Variants in TMEM132D observed in about 807,000 individuals in gnomAD.
TMEM132D encodes the protein transmembrane protein 132D, also known as mature OL transmembrane protein.
Under a neutral mutation model 62.3 loss-of-function variants are expected in TMEM132D, and 21 were observed. The observed-to-expected ratio is 0.34, with a 90% CI of 0.24 to 0.49. The LOEUF is 0.49. TMEM132D is among the 20% of genes least tolerant of loss of function. The pLI is 0.99. For synonymous variants in TMEM132D, 621 were observed against 575.6 expected, an observed-to-expected ratio of 1.08 and a Z score of -1.13; for missense variants, 1,346 against 1,402.8, an observed-to-expected ratio of 0.96 and a Z score of 0.65.
chr12:129,168,251 A>AT lies in TMEM132D; in HGVS notation c.1443+41268dup, dbSNP rs3996445. ...TCCTCAATCCATCTCCTCTTTTGGG[A>AT]TTTTTTTTTTACCAACAAGAGCTTT... On this transcript the variant is annotated intron_variant, in intron 5 of 8. Transcript: ENST00000422113. Among the ~76,000 whole-genome samples, 144 of 150,934 alleles carry AT rather than the reference A, an allele frequency of 9.5e-4. 1 individual carries two copies. Among genetic ancestry groups the AT allele is most frequent in the South Asian group, 9.4e-3 (45 of 4,762 alleles).
chr12:129,756,552 G>T (rs1332871599), intron 1 of TMEM132D, among the ~76,000 whole-genome samples: 3 of 152,100 alleles, frequency 2.0e-5, no homozygotes, highest in African/African-American at 7.2e-5. Context: ...ATGTTTAAGG[G>T]GTGCAGAGCT....
chr12:129,118,123 G>A (rs1344752590), intron 5 of TMEM132D, among the ~76,000 whole-genome samples: 1 of 152,158 alleles, frequency 6.6e-6, no homozygotes, highest in African/African-American at 2.4e-5. Flanking sequence ...GGTATGTTCT[G>A]TGCTTTTCCC....
At chr12:129,615,229 C>G (rs1426050689) in intron 2 of TMEM132D, among the ~76,000 whole-genome samples, 1 of 152,042 alleles carries the variant, frequency 6.6e-6, no homozygotes, top group African/African-American at 2.4e-5. Flanking sequence ...TGGATTTTGT[C>G]TGGGGATGAA....
At chr12:129,191,186 C>G (rs1878390375) in intron 5 of TMEM132D, among the ~76,000 whole-genome samples, 1 of 152,080 alleles carries the variant, frequency 6.6e-6, no homozygotes, top group African/African-American at 2.4e-5. Context: ...GGAATCTACT[C>G]AAAGCCACCT....
chr12:129,869,113 G>A (rs942110861), intron 1 of TMEM132D, among the ~76,000 whole-genome samples: 1 of 151,446 alleles, frequency 6.6e-6, no homozygotes, highest in Non-Finnish European at 1.5e-5. Context: ...GGAATCTGGG[G>A]TTCCCACTGC....
intron 3 of TMEM132D, among the ~76,000 whole-genome samples, chr12:129,523,340 C>G (rs1593049932): frequency 6.6e-6 from 1 of 152,130 alleles, no homozygotes; most frequent in Non-Finnish European, 1.5e-5. Flanking sequence ...CCGACAGCAA[C>G]CAAACATGAG....
At chr12:129,620,346 C>G (rs1390056440) in intron 2 of TMEM132D, among the ~76,000 whole-genome samples, 1 of 152,190 alleles carries the variant, frequency 6.6e-6, no homozygotes, top group Non-Finnish European at 1.5e-5. Context: ...GGCCTGCAAT[C>G]CCAGCACTTT....
At chr12:129,678,461 G>A (rs919084076) in intron 2 of TMEM132D, among the ~76,000 whole-genome samples, 6 of 152,052 alleles carry the variant, frequency 3.9e-5, no homozygotes, top group African/African-American at 1.2e-4. Flanking sequence ...TAAAATGTCT[G>A]TTCATATTTT....
In TMEM132D at chr12:129,605,604, T is replaced by TATATATATATATACAC. The variant is rs150550863; in HGVS notation, c.969-74400_969-74399insGTGTATATATATATAT. Among the ~76,000 whole-genome samples the TATATATATATATACAC allele has an allele frequency of 8.5e-5, 9 of 106,300 alleles. No individual in the cohort carries two copies. In the South Asian group the frequency reaches 1.2e-3, roughly 14 times the overall value. The allele number at this position is 106,300 out of a possible 152,430, so 69.7% of individuals were successfully genotyped here. ...ATTAGGCATTATATATATATATATA[T>TATATATATATATACAC]ACACACACATATATATATACACACA... On this transcript the variant is annotated intron_variant, in intron 2 of 8. Coordinates refer to ENST00000422113, the MANE Select transcript of TMEM132D (RefSeq NM_133448.3).
At chr12:129,684,215 C>T (rs1880852944) in intron 2 of TMEM132D, among the ~76,000 whole-genome samples, 2 of 152,244 alleles carry the variant, frequency 1.3e-5, no homozygotes, top group Admixed American at 6.5e-5. Flanking sequence ...TCCATAATCC[C>T]CATGTATCAT....
At chr12:129,703,465 C>T (rs1043059332) in intron 1 of TMEM132D, among the ~76,000 whole-genome samples, 1 of 147,688 alleles carries the variant, frequency 6.8e-6, no homozygotes, top group African/African-American at 2.5e-5. Flanking sequence ...CACTTCCTTT[C>T]TTTTTTTTTT....
chr12:129,395,226 G>A lies in TMEM132D; in HGVS notation c.1116-57409C>T, dbSNP rs554683498. Among the ~76,000 whole-genome samples, 10 of 152,270 alleles carry A rather than the reference G, an allele frequency of 6.6e-5. No individual in the cohort carries two copies. In the South Asian group the frequency reaches 1.7e-3, roughly 25 times the overall value. Reference sequence around the variant, plus strand: ...AATGTTTGACAGTATTAAGGATAGCGAGAATGAGGAATGGTGCTTGATATG... The same window carrying A: ...AATGTTTGACAGTATTAAGGATAGCAAGAATGAGGAATGGTGCTTGATATG... On this transcript the variant is annotated intron_variant, in intron 3 of 8. Coordinates refer to ENST00000422113, the MANE Select transcript of TMEM132D (RefSeq NM_133448.3).
intron 5 of TMEM132D, among the ~76,000 whole-genome samples, chr12:129,143,546 A>G (rs1011780205): frequency 3.9e-5 from 6 of 152,180 alleles, no homozygotes; most frequent in African/African-American, 1.4e-4. Flanking sequence ...CTGGCTGGTG[A>G]AAAATCGGCA....
rs555039393 is a variant in TMEM132D at position 129,490,278 on chromosome 12, T to A, written c.1115+40781A>T. Among the ~76,000 whole-genome samples the A allele has an allele frequency of 2.0e-3, 306 of 152,250 alleles. 1 individual carries two copies. The highest frequency in any genetic ancestry group is 3.7e-3 in the Non-Finnish European group (249 of 68,018). ...ATCCATCTCAGTGCACTCAATAATA[T>A]TTGCCAAACTATTCAGTTTAGATGT... is the stretch of plus-strand genomic sequence containing the variant. On this transcript the variant is annotated intron_variant, in intron 3 of 8. Transcript: ENST00000422113.
intron 3 of TMEM132D, among the ~76,000 whole-genome samples, chr12:129,488,927 C>T (rs539790657): frequency 6.6e-6 from 1 of 152,306 alleles, no homozygotes; most frequent in East Asian, 1.9e-4. Flanking sequence ...ATAGGCTCAT[C>T]TCAACCAGGC....
At chr12:129,395,582 G>T (rs796883674) in intron 3 of TMEM132D, among the ~76,000 whole-genome samples, 28 of 151,970 alleles carry the variant, frequency 1.8e-4, no homozygotes, top group African/African-American at 6.5e-4. Flanking sequence ...TGCAATAAAA[G>T]AATGGGTATT....
intron 2 of TMEM132D, among the ~76,000 whole-genome samples, chr12:129,594,156 G>A (rs1431090760): frequency 2.0e-5 from 3 of 152,178 alleles, no homozygotes; most frequent in Admixed American, 6.5e-5. Flanking sequence ...CCACAACCAC[G>A]GGGCGCTTCC....
intron 4 of TMEM132D, among the ~76,000 whole-genome samples, chr12:129,254,886 G>T (rs1880361557): frequency 6.6e-6 from 1 of 152,176 alleles, no homozygotes; most frequent in African/African-American, 2.4e-5. Context: ...TAGGTGGTAT[G>T]ATTTGGATCT....
At chr12:129,619,762 T>G (rs944257014) in intron 2 of TMEM132D, among the ~76,000 whole-genome samples, 1 of 152,250 alleles carries the variant, frequency 6.6e-6, no homozygotes, top group African/African-American at 2.4e-5. Flanking sequence ...GGAGTGTTAA[T>G]GAAACTCGTT....
Sources: allele counts gnomAD v4.1 joint callset (sites outside exome capture counted in the v4.1 genomes callset), GRCh38; gene constraint gnomAD v4.1.1; transcripts MANE v1.5; gene names NCBI Gene and HGNC (gene_info 2026-07-23, HGNC 2026-07-21).